ADAMTSL3: variants seen among roughly 807,000 people sequenced by gnomAD.
ADAMTSL3 encodes the protein ADAMTS-like protein 3.
In ADAMTSL3, 128 loss-of-function variants were observed where a neutral mutation model predicts 201.7. That is an observed-to-expected ratio of 0.63 (90% CI 0.55 to 0.73). The LOEUF (loss-of-function observed/expected upper bound fraction) is 0.73. Among genes scored for constraint, ADAMTSL3 ranks in the 30% least tolerant of loss-of-function variants. The probability of loss-of-function intolerance (pLI) is 0.00; values close to 1 mark genes in which losing one functional copy is unlikely to be tolerated. For synonymous variants in ADAMTSL3, 738 were observed against 748.4 expected, an observed-to-expected ratio of 0.99 and a Z score of 0.23; for missense variants, 1,990 against 2,119.6, an observed-to-expected ratio of 0.94 and a Z score of 1.20.
intron 2 of ADAMTSL3, among the ~76,000 whole-genome samples, chr15:83,696,470 G>A (rs2061690171): frequency 6.6e-6 from 1 of 152,248 alleles, no homozygotes. Context: ...TGGTGTCATG[G>A]GAAGAGTCCA....
At chr15:83,931,706 C>T (rs765273987) in intron 17 of ADAMTSL3, among the ~76,000 whole-genome samples, 11 of 152,156 alleles carry the variant, frequency 7.2e-5, no homozygotes, top group Non-Finnish European at 1.0e-4. Context: ...CTATCAAAGA[C>T]ACAAGTAAGA....
chr15:83,973,161 C>T (rs1354605860), intron 20 of ADAMTSL3, among the ~76,000 whole-genome samples: 1 of 152,148 alleles, frequency 6.6e-6, no homozygotes, highest in Non-Finnish European at 1.5e-5. Context: ...TCATCAATTC[C>T]ACTGACCCCA....
intron 17 of ADAMTSL3, among the ~76,000 whole-genome samples, chr15:83,938,739 A>G (rs2066503869): frequency 6.6e-6 from 1 of 152,090 alleles, no homozygotes; most frequent in Admixed American, 6.5e-5. Flanking sequence ...TGTTTTTTAC[A>G]TATTCTGTTT....
intron 7 of ADAMTSL3, among the ~76,000 whole-genome samples, chr15:83,848,998 G>T (rs185701604): frequency 6.6e-6 from 1 of 152,132 alleles, no homozygotes; most frequent in African/African-American, 2.4e-5. Context: ...AGACAGTTTT[G>T]GAATAATTCC....
intron 23 of ADAMTSL3, among the ~76,000 whole-genome samples, chr15:84,009,949 A>G (rs555124482): frequency 1.7e-4 from 26 of 152,362 alleles, no homozygotes; most frequent in African/African-American, 6.0e-4. Context: ...GAATAAGCCA[A>G]TGTATCTGAG....
At chr15:83,886,227 CT>C (rs1197898446) in intron 10 of ADAMTSL3, among the ~76,000 whole-genome samples, 3 of 152,118 alleles carry the variant, frequency 2.0e-5, no homozygotes, top group Non-Finnish European at 1.5e-5. Flanking sequence ...CTGAACTGAC[CT>C]TTTAAATCAA....
chr15:83,704,159 A>G (rs2061815533), intron 2 of ADAMTSL3, among the ~76,000 whole-genome samples: 1 of 152,198 alleles, frequency 6.6e-6, no homozygotes, highest in Non-Finnish European at 1.5e-5. Context: ...GTCAGAGAAT[A>G]AATGCCATGG....
intron 6 of ADAMTSL3, among the ~76,000 whole-genome samples, chr15:83,836,552 A>G (rs769277768): frequency 6.6e-6 from 1 of 152,202 alleles, no homozygotes; most frequent in African/African-American, 2.4e-5. Context: ...AACAGCTTGG[A>G]TATAGAGTCT....
At chr15:83,790,678 C>T (rs989908315) in intron 4 of ADAMTSL3, among the ~76,000 whole-genome samples, 12 of 152,108 alleles carry the variant, frequency 7.9e-5, no homozygotes, top group Non-Finnish European at 1.6e-4. Context: ...GGTTGTCTGT[C>T]TCACCACTCT....
At chr15:84,000,269 C>T (rs1596520359) in intron 23 of ADAMTSL3, among the ~76,000 whole-genome samples, 2 of 152,106 alleles carry the variant, frequency 1.3e-5, no homozygotes, top group East Asian at 3.8e-4. Context: ...CTCTTCTATA[C>T]TGTTATCTCT....
At chr15:83,897,448 A>G (rs929758285) in intron 13 of ADAMTSL3, among the ~76,000 whole-genome samples, 1 of 152,172 alleles carries the variant, frequency 6.6e-6, no homozygotes, top group Admixed American at 6.5e-5. Flanking sequence ...GGCATAATTC[A>G]TTAGAATTTT....
At chr15:83,862,960 G>A (rs556788581) in intron 8 of ADAMTSL3, 3 of 152,096 alleles carry the variant, frequency 2.0e-5, no homozygotes, top group South Asian at 4.2e-4. Flanking sequence ...AAAAGGCAGG[G>A]GTTGCAATCC....
At chr15:83,978,942 T>C (rs974471044) in intron 20 of ADAMTSL3, among the ~76,000 whole-genome samples, 7 of 152,250 alleles carry the variant, frequency 4.6e-5, no homozygotes, top group African/African-American at 1.7e-4. Flanking sequence ...TGAGGCTTCA[T>C]GGCCTCCCTT....
intron 9 of ADAMTSL3, among the ~76,000 whole-genome samples, chr15:83,871,657 A>G (rs1325726093): frequency 6.6e-6 from 1 of 152,180 alleles, no homozygotes. Flanking sequence ...TGGAACCATG[A>G]GCCTGTGTCC....
chr15:84,030,996 A>G (rs1244557397), intron 27 of ADAMTSL3, among the ~76,000 whole-genome samples: 1 of 152,060 alleles, frequency 6.6e-6, no homozygotes, highest in Non-Finnish European at 1.5e-5. Context: ...TTCTGACATG[A>G]TTGTAAGTCT....
At chr15:83,975,810 A>G (rs988879537) in intron 20 of ADAMTSL3, among the ~76,000 whole-genome samples, 2 of 152,220 alleles carry the variant, frequency 1.3e-5, no homozygotes, top group African/African-American at 4.8e-5. Context: ...CATAGGTTCA[A>G]GAGAGAGCTT....
chr15:84,011,092 G>C (rs926777967), intron 23 of ADAMTSL3, among the ~76,000 whole-genome samples: 1 of 152,184 alleles, frequency 6.6e-6, no homozygotes, highest in African/African-American at 2.4e-5. Flanking sequence ...GTCTTACATA[G>C]AGTAGGCACT....
At position 84,004,631 on chromosome 15, in the gene ADAMTSL3, G is replaced by A. The variant is rs116724435; in HGVS notation, c.3974-9911G>A. ...GGGTAACTGGGAGTGAACTAAAAGC[G>A]GGGGCTAAATGGTAGAACCCAGCTC... On this transcript the variant is annotated intron_variant, in intron 23 of 29. Transcript: ENST00000286744. Among the ~76,000 whole-genome samples, 311 of 152,224 alleles carry A rather than the reference G, an allele frequency of 2.0e-3. 1 individual carries two copies. The highest frequency in any genetic ancestry group is 7.1e-3 in the African/African-American group (294 of 41,540).
intron 16 of ADAMTSL3, among the ~76,000 whole-genome samples, chr15:83,919,994 A>T (rs1398967429): frequency 6.6e-6 from 1 of 152,198 alleles, no homozygotes; most frequent in African/African-American, 2.4e-5. Flanking sequence ...TGGTAGGTGA[A>T]TGACAGATGT....
Sources: allele counts gnomAD v4.1 joint callset (sites outside exome capture counted in the v4.1 genomes callset), GRCh38; gene constraint gnomAD v4.1.1; transcripts MANE v1.5; gene names NCBI Gene and HGNC (gene_info 2026-07-23, HGNC 2026-07-21).